DMD: variants seen among roughly 807,000 people sequenced by gnomAD.
DMD encodes the protein mutant dystrophin.
In DMD, 63 loss-of-function variants were observed where a neutral mutation model predicts 330.1. The ratio of observed to expected loss-of-function variants is 0.19; its 90% CI spans 0.16 to 0.24. The LOEUF is 0.24. Ranked by LOEUF, DMD falls within the 10% of genes least tolerant of loss-of-function variation. The pLI is 1.00. For synonymous variants in DMD, 1,223 were observed against 959.8 expected (o/e 1.27, Z -5.07); for missense variants, 3,344 against 2,684.1 (o/e 1.25, Z -5.43).
chrX:32,197,873 C>T (rs952878084), intron 44 of DMD, among the ~76,000 whole-genome samples: 9 of 110,965 alleles, frequency 8.1e-5, no homozygotes, highest in African/African-American at 2.6e-4. Flanking sequence ...TAGTAATTTT[C>T]GAAAACATAT....
intron 2 of DMD, among the ~76,000 whole-genome samples, chrX:32,889,711 C>T (rs752656436): frequency 0.014 from 1,588 of 110,850 alleles, 22 homozygotes; most frequent in African/African-American, 0.05. Context: ...ACCCCCTGCT[C>T]GCAAAACATC....
intron 75 of DMD, 133 bp from the exon 76 acceptor site, chrX:31,146,547 T>G (rs912467749): frequency 1.3e-5 from 8 of 624,867 alleles, no homozygotes; most frequent in Non-Finnish European, 1.8e-5. Flanking sequence ...CAAAGATTGT[T>G]TAATTTGGGA....
At chrX:31,705,556 G>A (rs1034629496) in intron 52 of DMD, among the ~76,000 whole-genome samples, 1 of 112,867 alleles carries the variant, frequency 8.9e-6, no homozygotes, top group African/African-American at 3.2e-5. Context: ...GCTGCATGTC[G>A]TGTCTGAAAA....
At chrX:31,702,525 T>A (rs1413556919) in intron 52 of DMD, among the ~76,000 whole-genome samples, 3 of 111,812 alleles carry the variant, frequency 2.7e-5, no homozygotes, top group Non-Finnish European at 5.6e-5. Flanking sequence ...AGATGCCGAG[T>A]CACTTCTCCT....
intron 11 of DMD, among the ~76,000 whole-genome samples, chrX:32,618,834 A>G (rs1251694590): frequency 9.0e-6 from 1 of 111,643 alleles, no homozygotes; most frequent in Non-Finnish European, 1.9e-5. Context: ...ACTAATTAAA[A>G]AAAAGAAAAC....
chrX:32,008,003 A>C (rs985331642), intron 44 of DMD, among the ~76,000 whole-genome samples: 2 of 110,984 alleles, frequency 1.8e-5, no homozygotes, highest in African/African-American at 6.6e-5. Context: ...ACTTACTAAA[A>C]AAGAAATTAT....
rs1035927919 is a variant in DMD at position 31,709,894 on chromosome X, C to T, written c.7660+19737G>A. ...CTTTTTATGTACAAGTTCCTAGAGG[C>T]TCTAAGTCCTAACATTCCAGAAATT... On this transcript the variant is annotated intron_variant, in intron 52 of 78. Transcript: ENST00000357033. 2.7e-5 allele frequency among the ~76,000 whole-genome samples: 3 copies of T among 110,939 alleles called. No individual in the cohort carries two copies. The Admixed American group carries it at 2.9e-4, about 11-fold the overall frequency.
intron 44 of DMD, among the ~76,000 whole-genome samples, chrX:32,051,699 T>C (rs1209045828): frequency 1.8e-5 from 2 of 111,265 alleles, no homozygotes; most frequent in African/African-American, 3.3e-5. Context: ...AATATTTTCA[T>C]GTGCTTATTC....
intron 55 of DMD, among the ~76,000 whole-genome samples, chrX:31,537,056 A>G (rs771967159): frequency 3.2e-4 from 36 of 112,068 alleles, no homozygotes; most frequent in African/African-American, 1.1e-3. Flanking sequence ...ACGTACTGCA[A>G]TCTTGGTTCT....
At chrX:33,184,222 A>G (rs1449126373) in intron 1 of DMD, among the ~76,000 whole-genome samples, 1 of 112,247 alleles carries the variant, frequency 8.9e-6, no homozygotes, top group Admixed American at 9.5e-5. Context: ...AAATTATTCT[A>G]CATTAGATTT....
chrX:32,893,434 T>C lies in DMD; in HGVS notation c.94-43614A>G, dbSNP rs754350080. On this transcript the variant is annotated intron_variant, in intron 2 of 78. Transcript: ENST00000357033. ...ATGAGAATACCACCTATCTCCTATA[T>C]ATGTTTGCAAACATGTTTACAAGAT... Among the ~76,000 whole-genome samples, 6 of 100,690 alleles carry C rather than the reference T, an allele frequency of 6.0e-5. No homozygotes were observed. The East Asian group carries it at 2.1e-3, about 35-fold the overall frequency. 87.4% of individuals were successfully genotyped at this position (100,690 alleles called of 115,157 possible).
At chrX:32,089,112 G>T (rs1030197875) in intron 44 of DMD, among the ~76,000 whole-genome samples, 2 of 111,358 alleles carry the variant, frequency 1.8e-5, no homozygotes, top group African/African-American at 6.5e-5. Context: ...AGTTCTGTGA[G>T]TTCTGACAAG....
intron 43 of DMD, among the ~76,000 whole-genome samples, chrX:32,258,182 G>T (rs2097307119): frequency 3.6e-5 from 4 of 111,808 alleles, no homozygotes; most frequent in African/African-American, 1.3e-4. Flanking sequence ...TGGAGAGGAT[G>T]TGGAGAAAAA....
intron 1 of DMD, among the ~76,000 whole-genome samples, chrX:33,305,562 TATA>T (rs1314720772): frequency 2.1e-5 from 2 of 96,780 alleles, no homozygotes; most frequent in South Asian, 4.8e-4. Context: ...AAACTTAGAG[TATA>T]ATAATAATAA....
chrX:32,659,038 T>C (rs746390350), intron 9 of DMD, among the ~76,000 whole-genome samples: 1 of 112,142 alleles, frequency 8.9e-6, no homozygotes, highest in East Asian at 2.8e-4. Context: ...CATTCAACTT[T>C]TATAAAATCA....
intron 4 of DMD, among the ~76,000 whole-genome samples, chrX:32,842,192 G>C (rs955587441): frequency 8.0e-4 from 90 of 112,042 alleles, no homozygotes; most frequent in African/African-American, 2.6e-3. Flanking sequence ...AGTCAGTGCT[G>C]CCTGTTGACA....
chrX:32,130,014 G>A, intron 44 of DMD, among the ~76,000 whole-genome samples: 1 of 97,486 alleles, frequency 1.0e-5, no homozygotes, highest in Middle Eastern at 5.1e-3. Flanking sequence ...AAACCTTTAA[G>A]TCTTTTTAAG....
intron 9 of DMD, among the ~76,000 whole-genome samples, chrX:32,684,509 T>C (rs1325928054): frequency 9.0e-6 from 1 of 111,400 alleles, no homozygotes; most frequent in African/African-American, 3.3e-5. Flanking sequence ...AGATTATTAC[T>C]CCTAAATTTA....
At chrX:32,941,819 C>T (rs1365604138) in intron 2 of DMD, among the ~76,000 whole-genome samples, 2 of 110,281 alleles carry the variant, frequency 1.8e-5, no homozygotes, top group East Asian at 2.8e-4. Flanking sequence ...AACCCTGTCA[C>T]GAGTCCCGGG....
Sources: gnomAD v4.1 joint callset for allele counts (sites outside exome capture counted in the v4.1 genomes callset) on GRCh38, gnomAD v4.1.1 for gene constraint, MANE v1.5 for transcripts, NCBI Gene and HGNC (gene_info 2026-07-23, HGNC 2026-07-21) for gene names.